OPCML: variants seen among roughly 807,000 people sequenced by gnomAD.
The protein encoded by OPCML is opioid-binding protein/cell adhesion molecule.
Under a neutral mutation model 37.8 loss-of-function variants are expected in OPCML, and 13 were observed. The observed-to-expected ratio is 0.34, with a 90% CI of 0.22 to 0.55. The LOEUF is 0.55. Among genes scored for constraint, OPCML ranks in the 20% least tolerant of loss-of-function variants. The pLI is 0.91. For missense variants in OPCML, 341 were observed against 435.6 expected (o/e 0.78, Z 1.93); for synonymous variants, 176 against 168.8 (o/e 1.04, Z -0.33).
intron 3 of OPCML, among the ~76,000 whole-genome samples, chr11:132,567,588 C>T (rs571223008): frequency 1.4e-4 from 21 of 152,036 alleles, no homozygotes; most frequent in Middle Eastern, 6.8e-3. Flanking sequence ...TTATATTGCT[C>T]GGGCAGGGGG....
intron 2 of OPCML, among the ~76,000 whole-genome samples, chr11:132,783,593 A>G (rs1947105606): frequency 6.6e-6 from 1 of 152,196 alleles, no homozygotes; most frequent in Non-Finnish European, 1.5e-5. Flanking sequence ...TCAACCACAC[A>G]GTTATCCTTA....
chr11:132,884,666 A>C (rs1943342128), intron 2 of OPCML, among the ~76,000 whole-genome samples: 1 of 152,238 alleles, frequency 6.6e-6, no homozygotes, highest in African/African-American at 2.4e-5. Flanking sequence ...CAGCTATTAT[A>C]ATTCAGAACA....
chr11:133,134,056 T>A (rs1186236533), intron 1 of OPCML, among the ~76,000 whole-genome samples: 1 of 152,074 alleles, frequency 6.6e-6, no homozygotes, highest in African/African-American at 2.4e-5. Flanking sequence ...TCCTGTATCA[T>A]CCCTGCCACA....
At chr11:132,741,753 G>A (rs1392187183) in intron 2 of OPCML, among the ~76,000 whole-genome samples, 1 of 152,130 alleles carries the variant, frequency 6.6e-6, no homozygotes, top group Non-Finnish European at 1.5e-5. Flanking sequence ...CGGGCCAGGT[G>A]CAGTGGCTCA....
rs141444345 is a variant in OPCML, at chr11:133,029,455, A to T, written c.62-86445T>A. Among the ~76,000 whole-genome samples the T allele has an allele frequency of 1.1e-4, 17 of 152,350 alleles. 1 individual carries two copies. The East Asian group carries it at 3.3e-3, about 29-fold the overall frequency. On this transcript the variant is annotated intron_variant, in intron 1 of 7. Coordinates refer to ENST00000524381, the MANE Select transcript of OPCML (RefSeq NM_001012393.5). Reference sequence around the variant, plus strand: ...CACAACATTCTTCACAATAGCAATGACATGGAATCAACCTCGGTGCCCAGC... The same window carrying T: ...CACAACATTCTTCACAATAGCAATGTCATGGAATCAACCTCGGTGCCCAGC...
intron 1 of OPCML, among the ~76,000 whole-genome samples, chr11:133,069,172 C>T (rs1948486070): frequency 6.6e-6 from 1 of 152,142 alleles, no homozygotes. Flanking sequence ...TTTAAACTTG[C>T]AGAGCCTCAG....
intron 3 of OPCML, among the ~76,000 whole-genome samples, chr11:132,572,627 G>A (rs1409216022): frequency 6.6e-6 from 1 of 152,054 alleles, no homozygotes; most frequent in Admixed American, 6.5e-5. Context: ...TTAAATGCCA[G>A]TACCATACAG....
intron 1 of OPCML, among the ~76,000 whole-genome samples, chr11:133,009,793 C>G (rs755099126): frequency 2.0e-5 from 3 of 152,262 alleles, no homozygotes; most frequent in Non-Finnish European, 4.4e-5. Flanking sequence ...GGGGCGCAGG[C>G]GGTAATGCTC....
At chr11:132,482,416 T>A (rs1263455427) in intron 4 of OPCML, among the ~76,000 whole-genome samples, 1 of 151,268 alleles carries the variant, frequency 6.6e-6, no homozygotes, top group African/African-American at 2.4e-5. Flanking sequence ...TCTGAAATTG[T>A]GGCAATAATC....
intron 3 of OPCML, among the ~76,000 whole-genome samples, chr11:132,596,194 A>G (rs563141776): frequency 1.3e-5 from 2 of 152,322 alleles, no homozygotes; most frequent in African/African-American, 2.4e-5. Flanking sequence ...AGTGCCTGAC[A>G]CAAAGTTAAA....
chr11:133,110,975 G>GATA (rs1176835926), intron 1 of OPCML, among the ~76,000 whole-genome samples: 12 of 152,158 alleles, frequency 7.9e-5, no homozygotes, highest in Admixed American at 7.9e-4. Context: ...AGGTGGGAAT[G>GATA]ATAATAATAA....
chr11:132,699,003 A>G (rs941867856), intron 2 of OPCML, among the ~76,000 whole-genome samples: 2 of 152,062 alleles, frequency 1.3e-5, no homozygotes. Context: ...GGAACATGAG[A>G]TATCTTTCCA....
intron 1 of OPCML, among the ~76,000 whole-genome samples, chr11:133,287,905 C>T (rs1942350026): frequency 6.6e-6 from 1 of 152,168 alleles, no homozygotes; most frequent in South Asian, 2.1e-4. Context: ...GGGAGTGTTC[C>T]TGGTGGACTG....
intron 1 of OPCML, among the ~76,000 whole-genome samples, chr11:133,216,114 C>T (rs11223400): frequency 0.11 from 16,908 of 152,156 alleles, 1,029 homozygotes; most frequent in Non-Finnish European, 0.14. Flanking sequence ...TCAGAAAACA[C>T]GCAGTGCAGC....
intron 4 of OPCML, among the ~76,000 whole-genome samples, chr11:132,478,741 T>C (rs536449916): frequency 1.3e-5 from 2 of 152,302 alleles, no homozygotes; most frequent in South Asian, 4.1e-4. Flanking sequence ...TTTGTGGTCA[T>C]TCTTTGGCTT....
At chr11:133,239,477 C>T (rs745614122) in intron 1 of OPCML, among the ~76,000 whole-genome samples, 8 of 152,168 alleles carry the variant, frequency 5.3e-5, no homozygotes, top group Admixed American at 2.0e-4. Flanking sequence ...TAGAAAGGGG[C>T]CTTGGGGGAG....
chr11:133,459,612 G>C (rs1946813786), intron 1 of OPCML, among the ~76,000 whole-genome samples: 1 of 151,988 alleles, frequency 6.6e-6, no homozygotes, highest in Non-Finnish European at 1.5e-5. Flanking sequence ...TAATCTTTAA[G>C]TCAAAAACTG....
chr11:133,470,248 A>G (rs1277213141), intron 1 of OPCML, among the ~76,000 whole-genome samples: 1 of 152,246 alleles, frequency 6.6e-6, no homozygotes, highest in East Asian at 1.9e-4. Context: ...TTGAAATAAA[A>G]CAACATGATT....
intron 1 of OPCML, among the ~76,000 whole-genome samples, chr11:133,134,559 C>A (rs577633643): frequency 6.6e-6 from 1 of 152,248 alleles, no homozygotes; most frequent in South Asian, 2.1e-4. Flanking sequence ...TGGGCAGTCA[C>A]CCCTTGGGGG....
Sources: allele counts gnomAD v4.1 joint callset (sites outside exome capture counted in the v4.1 genomes callset), GRCh38; gene constraint gnomAD v4.1.1; transcripts MANE v1.5; gene names NCBI Gene and HGNC (gene_info 2026-07-23, HGNC 2026-07-21).